LHFPL1: variants seen among roughly 807,000 people sequenced by gnomAD.
The protein encoded by LHFPL1 is LHFPL tetraspan subfamily member 1.
LHFPL1 carries 4 observed loss-of-function variants against 12.1 expected under a neutral mutation model. The ratio of observed to expected loss-of-function variants is 0.33; its 90% CI spans 0.16 to 0.76. The LOEUF (loss-of-function observed/expected upper bound fraction) is 0.76. Among genes scored for constraint, LHFPL1 ranks in the 30% least tolerant of loss-of-function variants. LHFPL1 has a pLI of 0.61. For synonymous variants in LHFPL1, 52 were observed against 61.9 expected (o/e 0.84, Z 0.75); for missense variants, 141 against 174.1 (o/e 0.81, Z 1.07).
intron 2 of LHFPL1, 69 bp downstream of exon 2, chrX:112,670,940 G>A: frequency 9.0e-7 from 1 of 1,108,731 alleles, no homozygotes; most frequent in Admixed American, 2.4e-5. Context: ...TTCCCCATAA[G>A]GCTACACTCC....
intron 3 of LHFPL1, among the ~76,000 whole-genome samples, chrX:112,646,522 T>G (rs1375772943): frequency 1.8e-5 from 2 of 110,016 alleles, no homozygotes; most frequent in Non-Finnish European, 3.8e-5. Context: ...TCTTAGAACA[T>G]GTGGAACACA....
At chrX:112,633,464 TTTAC>T (rs1930249822) in intron 3 of LHFPL1, among the ~76,000 whole-genome samples, 1 of 112,576 alleles carries the variant, frequency 8.9e-6, no homozygotes, top group South Asian at 3.6e-4. Flanking sequence ...CACTACTTTC[TTTAC>T]TTAGTCAATA....
intron 3 of LHFPL1, among the ~76,000 whole-genome samples, chrX:112,637,648 G>A (rs939082172): frequency 8.9e-6 from 1 of 112,262 alleles, no homozygotes; most frequent in African/African-American, 3.2e-5. Flanking sequence ...AAAAGAGAAT[G>A]AGGTAAGTCT....
rs762194253 is a variant in LHFPL1 at position 112,671,185 on chromosome X, C to T, written c.206G>A (p.Arg69His). 2.7e-5 allele frequency: 33 copies of T among 1,210,719 alleles called. No homozygotes were observed. The highest frequency in any genetic ancestry group is 4.6e-4 in the Middle Eastern group (2 of 4,353). Residue 69 changes from arginine to histidine, a missense_variant, in exon 2 of 4, where the codon CGC becomes CAC. Physicochemically the swap from Arg to His is conservative, Grantham distance 29. Coordinates refer to ENST00000371968, the MANE Select transcript of LHFPL1 (RefSeq NM_178175.4). ...TGGGATGGCATTGAAGCTGGCATAG[C>T]GCCCACATTCTTCCACCATGATCAG... ...HSLIMVEECG[R>H]YASFNAIPSL...
chrX:112,654,711 A>G (rs1930949542), intron 3 of LHFPL1, among the ~76,000 whole-genome samples: 1 of 111,179 alleles, frequency 9.0e-6, no homozygotes, highest in Non-Finnish European at 1.9e-5. Flanking sequence ...ACCTTTATAT[A>G]TGTATTGTTT....
intron 3 of LHFPL1, among the ~76,000 whole-genome samples, chrX:112,660,297 G>A (rs185493505): frequency 3.6e-5 from 4 of 112,404 alleles, no homozygotes; most frequent in African/African-American, 1.3e-4. Context: ...TTTGAAAAAT[G>A]GTGCCTAGAA....
intron 3 of LHFPL1, 67 bp from the exon 4 acceptor site, chrX:112,631,668 T>C (rs1930194173): frequency 5.0e-6 from 4 of 792,661 alleles, no homozygotes; most frequent in Admixed American, 2.9e-5. Context: ...GGTAATGAAC[T>C]ATAGAAATGA....
chrX:112,658,764 A>G, intron 3 of LHFPL1, among the ~76,000 whole-genome samples: 1 of 112,041 alleles, frequency 8.9e-6, no homozygotes, highest in African/African-American at 3.2e-5. Context: ...TTGACTCAGC[A>G]ATTTTGAGAT....
At chrX:112,660,007 A>T (rs942222787) in intron 3 of LHFPL1, among the ~76,000 whole-genome samples, 1 of 111,174 alleles carries the variant, frequency 9.0e-6, no homozygotes, top group Non-Finnish European at 1.9e-5. Context: ...TCCCTCTCCT[A>T]CTCTCTTTCA....
intron 2 of LHFPL1, chrX:112,661,840 C>CCACAA (rs1305419459): frequency 3.6e-5 from 4 of 112,053 alleles, no homozygotes; most frequent in Non-Finnish European, 7.5e-5. Context: ...GAAAACAACC[C>CCACAA]CACAACACCA....
chrX:112,640,751 CCTT>C (rs1214466516), intron 3 of LHFPL1, among the ~76,000 whole-genome samples: 2 of 111,092 alleles, frequency 1.8e-5, no homozygotes, highest in Non-Finnish European at 3.8e-5. Flanking sequence ...GTAATTTACT[CCTT>C]CTGACGACAC....
intron 3 of LHFPL1, among the ~76,000 whole-genome samples, chrX:112,653,554 G>C (rs1602678564): frequency 8.9e-6 from 1 of 112,430 alleles, no homozygotes; most frequent in Admixed American, 9.4e-5. Flanking sequence ...GATAAAGTGG[G>C]TCTCCTATTC....
chrX:112,664,626 T>C (rs1354440324), intron 2 of LHFPL1, among the ~76,000 whole-genome samples: 7 of 110,398 alleles, frequency 6.3e-5, no homozygotes, highest in African/African-American at 2.3e-4. Flanking sequence ...GTGAGCACAT[T>C]AGGTTGTAAA....
intron 3 of LHFPL1, among the ~76,000 whole-genome samples, chrX:112,659,775 A>C (rs1931121382): frequency 8.9e-6 from 1 of 111,963 alleles, no homozygotes; most frequent in South Asian, 3.8e-4. Flanking sequence ...TCCTGAGTGA[A>C]GAACACTGGA....
chrX:112,642,408 T>G, intron 3 of LHFPL1, among the ~76,000 whole-genome samples: 1 of 103,932 alleles, frequency 9.6e-6, no homozygotes, highest in South Asian at 5.2e-4. Context: ...GGCTTCACCA[T>G]GTTGCCCAGG....
chrX:112,653,322 G>T (rs1930905971), intron 3 of LHFPL1, among the ~76,000 whole-genome samples: 1 of 111,496 alleles, frequency 9.0e-6, no homozygotes, highest in African/African-American at 3.3e-5. Flanking sequence ...TCCTGGTTCT[G>T]CCAATTACAA....
intron 3 of LHFPL1, among the ~76,000 whole-genome samples, chrX:112,645,345 C>G (rs1930655085): frequency 8.9e-6 from 1 of 111,962 alleles, no homozygotes; most frequent in South Asian, 3.8e-4. Flanking sequence ...GCTGCATATA[C>G]TGGCTCCTTG....
intron 3 of LHFPL1, among the ~76,000 whole-genome samples, chrX:112,646,556 T>A (rs1436812575): frequency 9.0e-6 from 1 of 110,905 alleles, no homozygotes; most frequent in East Asian, 2.8e-4. Flanking sequence ...ATCTTTCTTA[T>A]TTGATTGACT....
intron 3 of LHFPL1, among the ~76,000 whole-genome samples, chrX:112,645,979 G>GTCAC (rs1263593227): frequency 4.5e-5 from 5 of 111,055 alleles, no homozygotes; most frequent in South Asian, 4.0e-4. Flanking sequence ...CTAGTCCTAG[G>GTCAC]TCACTAGTTG....
Sources: allele counts gnomAD v4.1 joint callset (sites outside exome capture counted in the v4.1 genomes callset), GRCh38; gene constraint gnomAD v4.1.1; transcripts MANE v1.5; gene names NCBI Gene and HGNC (gene_info 2026-07-23, HGNC 2026-07-21).